The following SEMA3C variants were observed in gnomAD, a reference collection of about 807,000 sequenced individuals.
SEMA3C encodes semaphorin-3C.
Under a neutral mutation model 89.4 loss-of-function variants are expected in SEMA3C, and 47 were observed. That is an observed-to-expected ratio of 0.53 (90% confidence interval 0.42 to 0.67). SEMA3C has a LOEUF of 0.67. SEMA3C is among the 30% of genes least tolerant of loss of function. The pLI is 0.00. For synonymous variants in SEMA3C, 310 were observed against 320.2 expected (o/e 0.97, Z 0.34); for missense variants, 839 against 929.1 (o/e 0.90, Z 1.26).
chr7:80,836,406 G>A (rs774336540), intron 2 of SEMA3C, among the ~76,000 whole-genome samples: 25 of 152,142 alleles, frequency 1.6e-4, no homozygotes, highest in Admixed American at 5.9e-4. Flanking sequence ...TGCTGGGCGC[G>A]GTGGCTCACG....
intron 2 of SEMA3C, among the ~76,000 whole-genome samples, chr7:80,885,419 C>T (rs926440907): frequency 2.0e-5 from 3 of 152,026 alleles, no homozygotes; most frequent in Non-Finnish European, 2.9e-5. Flanking sequence ...GAGTTCAAGA[C>T]CTGCCTAACC....
chr7:80,799,504 A>G (rs949070035), intron 10 of SEMA3C, among the ~76,000 whole-genome samples: 5 of 152,154 alleles, frequency 3.3e-5, no homozygotes, highest in African/African-American at 9.7e-5. Context: ...GAGAAGTGAG[A>G]AAACATTAAA....
intron 2 of SEMA3C, among the ~76,000 whole-genome samples, chr7:80,871,922 A>G (rs1791067955): frequency 6.6e-6 from 1 of 152,156 alleles, no homozygotes; most frequent in Non-Finnish European, 1.5e-5. Context: ...AAAATGCATT[A>G]CATAGTAATA....
At chr7:80,753,250 A>C (rs901383918) in intron 15 of SEMA3C, among the ~76,000 whole-genome samples, 1 of 152,224 alleles carries the variant, frequency 6.6e-6, no homozygotes, top group African/African-American at 2.4e-5. Context: ...AGTGTATTCT[A>C]GAATAGCTCG....
intron 2 of SEMA3C, among the ~76,000 whole-genome samples, chr7:80,870,119 G>A (rs1169010834): frequency 6.6e-6 from 1 of 152,006 alleles, no homozygotes; most frequent in Non-Finnish European, 1.5e-5. Flanking sequence ...TGTTTCCACT[G>A]CACGGCTTCT....
At chr7:80,862,301 A>G (rs71555078) in intron 2 of SEMA3C, among the ~76,000 whole-genome samples, 23 of 152,204 alleles carry the variant, frequency 1.5e-4, no homozygotes, top group Admixed American at 2.6e-4. Flanking sequence ...AACAGCGACC[A>G]TGCAGAGAAT....
At chr7:80,802,903 C>G (rs1166137106) in intron 8 of SEMA3C, 124 bp from the exon 9 acceptor site, 2 of 573,298 alleles carry the variant, frequency 3.5e-6, no homozygotes, top group African/African-American at 3.7e-5. Context: ...TTAACCACTT[C>G]TGCACATCAG....
chr7:80,751,378 C>T, intron 15 of SEMA3C, 42 bp from the exon 16 acceptor site: 3 of 1,508,486 alleles, frequency 2.0e-6, no homozygotes, highest in Non-Finnish European at 1.8e-6. Context: ...AGAATTATCA[C>T]TGCCAATTAC....
At chr7:80,835,363 T>C (rs1249345457) in intron 2 of SEMA3C, among the ~76,000 whole-genome samples, 1 of 152,180 alleles carries the variant, frequency 6.6e-6, no homozygotes, top group Non-Finnish European at 1.5e-5. Context: ...AAAACATTCT[T>C]CTCATCATAA....
intron 12 of SEMA3C, among the ~76,000 whole-genome samples, chr7:80,771,303 A>T (rs1446534562): frequency 6.6e-6 from 1 of 152,228 alleles, no homozygotes; most frequent in Non-Finnish European, 1.5e-5. Flanking sequence ...TACTCTAAAT[A>T]CATTAAAGCA....
intron 2 of SEMA3C, among the ~76,000 whole-genome samples, chr7:80,863,886 T>TC (rs1562912093): frequency 6.7e-4 from 82 of 122,268 alleles, no homozygotes; most frequent in South Asian, 1.6e-3. Flanking sequence ...GTATCACATA[T>TC]ATATCACACA....
intron 2 of SEMA3C, among the ~76,000 whole-genome samples, chr7:80,882,526 A>G (rs1433306594): frequency 6.8e-6 from 1 of 147,514 alleles, no homozygotes; most frequent in East Asian, 2.0e-4. Context: ...CATAGAGCTC[A>G]TGACACATAA....
rs1435839467 is a variant in SEMA3C at position 80,750,481 on chromosome 7, CACACACACACACACACACACAT to C, written c.1711+766_1711+787del. 6.1e-5 allele frequency among the ~76,000 whole-genome samples: 8 copies of C among 130,828 alleles called. No individual in the cohort carries two copies. In the East Asian group the frequency reaches 1.6e-3, roughly 26 times the overall value. 85.8% of individuals were successfully genotyped at this position (130,828 alleles called of 152,430 possible). A position where few individuals can be genotyped will look rare whatever the true frequency, so the allele number is the denominator to read the frequency against. On this transcript the variant is annotated intron_variant, in intron 16 of 17. Transcript: ENST00000265361. ...ATATATATATATATATATACACACACACACACACACACACACACACATACACACACACACATTATATATATGC... is the reference window on the plus strand; with the variant it reads ...ATATATATATATATATATACACACACACACACACACACATTATATATATGC...
intron 11 of SEMA3C, among the ~76,000 whole-genome samples, chr7:80,790,367 GAGA>G (rs111589426): frequency 4.0e-5 from 6 of 151,848 alleles, no homozygotes; most frequent in South Asian, 2.1e-4. Context: ...GAGAGAAGAA[GAGA>G]AGAAGAAGAA....
In SEMA3C at chr7:80,800,468, T is replaced by C. The variant is rs376189041; in HGVS notation, c.986+289A>G. On this transcript the variant is annotated intron_variant, in intron 10 of 17. Transcript: ENST00000265361. The stretch of plus-strand genomic sequence containing the variant: ...TATTTGCTCACAAGTGCTCAAATTA[T>C]TTTATTGAAAAAATCACGTATTTTT... Among the ~76,000 whole-genome samples, 190 of 152,314 alleles carry C rather than the reference T, an allele frequency of 1.2e-3. 6 individuals are homozygous for C. The South Asian group carries it at 0.037, about 30-fold the overall frequency.
intron 13 of SEMA3C, among the ~76,000 whole-genome samples, chr7:80,764,545 T>C (rs1788253734): frequency 6.6e-6 from 1 of 151,290 alleles, no homozygotes; most frequent in Non-Finnish European, 1.5e-5. Flanking sequence ...CTTACAGTAC[T>C]GAACTTCCCT....
intron 17 of SEMA3C, among the ~76,000 whole-genome samples, chr7:80,747,654 CAA>C (rs1787831842): frequency 6.6e-6 from 1 of 152,024 alleles, no homozygotes; most frequent in Non-Finnish European, 1.5e-5. Context: ...CTAGAAATGT[CAA>C]GACTTCTTTG....
At chr7:80,753,028 A>C (rs1276186820) in intron 15 of SEMA3C, among the ~76,000 whole-genome samples, 1 of 152,150 alleles carries the variant, frequency 6.6e-6, no homozygotes, top group African/African-American at 2.4e-5. Flanking sequence ...TTGATAGTGA[A>C]AAAAAGCTCA....
intron 2 of SEMA3C, among the ~76,000 whole-genome samples, chr7:80,879,126 T>G (rs1791273668): frequency 6.6e-6 from 1 of 151,764 alleles, no homozygotes; most frequent in Non-Finnish European, 1.5e-5. Context: ...AAATACCAGA[T>G]ACAGAAATGC....
Sources: gnomAD v4.1 joint callset for allele counts (sites outside exome capture counted in the v4.1 genomes callset) on GRCh38, gnomAD v4.1.1 for gene constraint, MANE v1.5 for transcripts, NCBI Gene and HGNC (gene_info 2026-07-23, HGNC 2026-07-21) for gene names.